Variants in SH3KBP1 observed in about 807,000 individuals in gnomAD.
SH3KBP1 encodes the protein SH3 domain containing kinase binding protein 1, also known as SH3 domain-containing kinase-binding protein 1.
A neutral mutation model predicts 50.1 loss-of-function variants in SH3KBP1; 8 were observed. That is an observed-to-expected ratio of 0.16 (90% CI 0.09 to 0.29). The LOEUF (loss-of-function observed/expected upper bound fraction) is 0.29. SH3KBP1 is among the 10% of genes least tolerant of loss of function. The pLI is 1.00. For synonymous variants in SH3KBP1, 227 were observed against 218.6 expected (o/e 1.04, Z -0.34); for missense variants, 377 against 535.2 (o/e 0.70, Z 2.92).
At chrX:19,718,860 A>G (rs1043972693) in intron 3 of SH3KBP1, among the ~76,000 whole-genome samples, 1 of 110,535 alleles carries the variant, frequency 9.0e-6, no homozygotes, top group Non-Finnish European at 1.9e-5. Flanking sequence ...GCTGTTACAG[A>G]ACCCTGAGGA....
chrX:19,706,786 C>A, intron 4 of SH3KBP1, 95 bp downstream of exon 4: 2 of 644,346 alleles, frequency 3.1e-6, no homozygotes, highest in Non-Finnish European at 4.9e-6. Context: ...GGCCAAACAG[C>A]CTGTGAGTCT....
At chrX:19,588,358 C>A in intron 12 of SH3KBP1, 1 of 1,081,946 alleles carries the variant, frequency 9.2e-7, no homozygotes, top group South Asian at 2.7e-5. Context: ...TCTAATAAGG[C>A]CCAGGAAAAA....
intron 1 of SH3KBP1, among the ~76,000 whole-genome samples, chrX:19,850,935 G>A (rs1356840548): frequency 9.1e-6 from 1 of 110,247 alleles, no homozygotes; most frequent in Non-Finnish European, 1.9e-5. Context: ...TTTGGGAAGC[G>A]CTGGCCCATC....
intron 1 of SH3KBP1, among the ~76,000 whole-genome samples, chrX:19,875,550 C>CGTGAAGCA (rs1288193446): frequency 2.7e-5 from 3 of 112,397 alleles, no homozygotes; most frequent in African/African-American, 9.7e-5. Flanking sequence ...AGCACCCACT[C>CGTGAAGCA]CTCCACAGGG....
chrX:19,853,612 G>A (rs1000901101), intron 1 of SH3KBP1, among the ~76,000 whole-genome samples: 3 of 111,001 alleles, frequency 2.7e-5, no homozygotes, highest in African/African-American at 9.8e-5. Flanking sequence ...ATGGGTGGGG[G>A]TTCTCCTCCT....
At chrX:19,671,585 T>C (rs2062797195) in intron 6 of SH3KBP1, among the ~76,000 whole-genome samples, 1 of 111,955 alleles carries the variant, frequency 8.9e-6, no homozygotes, top group Non-Finnish European at 1.9e-5. Flanking sequence ...CTTCAATGAA[T>C]CTAGAGCGCA....
chrX:19,824,808 C>T (rs932041038), intron 2 of SH3KBP1, among the ~76,000 whole-genome samples: 1 of 111,756 alleles, frequency 8.9e-6, no homozygotes, highest in Non-Finnish European at 1.9e-5. Context: ...CCCCCCTCCA[C>T]CACATTTTCT....
At chrX:19,536,810 A>C (rs1284721738) in intron 17 of SH3KBP1, among the ~76,000 whole-genome samples, 7 of 111,951 alleles carry the variant, frequency 6.3e-5, no homozygotes, top group Non-Finnish European at 1.3e-4. Context: ...TGGTTGGCTC[A>C]AGGGGGTGTC....
intron 2 of SH3KBP1, among the ~76,000 whole-genome samples, chrX:19,748,991 T>C (rs1208612368): frequency 1.8e-5 from 2 of 112,404 alleles, no homozygotes; most frequent in African/African-American, 6.5e-5. Context: ...AGGACTTGAA[T>C]AGACGTTTCT....
intron 2 of SH3KBP1, among the ~76,000 whole-genome samples, chrX:19,753,825 G>A (rs2148837812): frequency 8.9e-6 from 1 of 112,031 alleles, no homozygotes; most frequent in East Asian, 2.8e-4. Context: ...AAAATATGAG[G>A]ATTTAATAAA....
chrX:19,710,129 C>A (rs188617209), intron 3 of SH3KBP1, among the ~76,000 whole-genome samples: 85 of 111,941 alleles, frequency 7.6e-4, no homozygotes, highest in African/African-American at 2.7e-3. Flanking sequence ...CACCTAAGGT[C>A]CAAAAATATT....
chrX:19,864,482 G>A (rs752977953), intron 1 of SH3KBP1, among the ~76,000 whole-genome samples: 48 of 112,043 alleles, frequency 4.3e-4, no homozygotes, highest in African/African-American at 1.0e-3. Context: ...AAAAGAGAGC[G>A]GGGGCACAGG....
At chrX:19,601,079 C>T (rs2067074345) in intron 9 of SH3KBP1, among the ~76,000 whole-genome samples, 1 of 111,400 alleles carries the variant, frequency 9.0e-6, no homozygotes. Flanking sequence ...CTGGGAGAGC[C>T]GAATGCCTTC....
intron 8 of SH3KBP1, among the ~76,000 whole-genome samples, chrX:19,630,224 CG>C (rs2061545803): frequency 8.9e-6 from 1 of 112,001 alleles, no homozygotes; most frequent in African/African-American, 3.3e-5. Context: ...GTGAGTCCCC[CG>C]CTCCCTCCCA....
chrX:19,819,597 A>G (rs1396503275), intron 2 of SH3KBP1, among the ~76,000 whole-genome samples: 2 of 109,868 alleles, frequency 1.8e-5, no homozygotes, highest in African/African-American at 6.6e-5. Flanking sequence ...TGATCCTCCC[A>G]CTCCCGCTTC....
At chrX:19,657,414 C>T (rs951626525) in intron 6 of SH3KBP1, among the ~76,000 whole-genome samples, 1 of 105,412 alleles carries the variant, frequency 9.5e-6, no homozygotes, top group Non-Finnish European at 1.9e-5. Flanking sequence ...GGCATACAAT[C>T]GAATATTATT....
intron 2 of SH3KBP1, among the ~76,000 whole-genome samples, chrX:19,765,451 A>G (rs1428215998): frequency 1.8e-5 from 2 of 110,959 alleles, no homozygotes; most frequent in African/African-American, 6.6e-5. Flanking sequence ...TCCATCTTCG[A>G]GGCCAGCAGT....
At chrX:19,870,310 C>A (rs772679749) in intron 1 of SH3KBP1, among the ~76,000 whole-genome samples, 10 of 110,656 alleles carry the variant, frequency 9.0e-5, no homozygotes, top group Non-Finnish European at 1.9e-4. Flanking sequence ...TGTTTTAGTT[C>A]TTACATCAAG....
At chrX:19,595,272 C>T (rs1379682060) in intron 9 of SH3KBP1, among the ~76,000 whole-genome samples, 1 of 112,610 alleles carries the variant, frequency 8.9e-6, no homozygotes, top group African/African-American at 3.2e-5. Flanking sequence ...AAAAGCACGG[C>T]TCAGCAAAAA....
Sources: allele counts gnomAD v4.1 joint callset (sites outside exome capture counted in the v4.1 genomes callset), GRCh38; gene constraint gnomAD v4.1.1; transcripts MANE v1.5; gene names NCBI Gene and HGNC (gene_info 2026-07-23, HGNC 2026-07-21).